The following TENM2 variants were observed in gnomAD, a reference collection of about 807,000 sequenced individuals.
The protein encoded by TENM2 is teneurin transmembrane protein 2.
A neutral mutation model predicts 245.2 loss-of-function variants in TENM2; 52 were observed. The ratio of observed to expected loss-of-function variants is 0.21; its 90% CI spans 0.17 to 0.27. The LOEUF (loss-of-function observed/expected upper bound fraction) is 0.27. TENM2 is among the 10% of genes least tolerant of loss of function. The pLI, the probability that TENM2 is intolerant of heterozygous loss-of-function variation, is 1.00. For synonymous variants in TENM2, 1,363 were observed against 1,438.9 expected (o/e 0.95, Z 1.19); for missense variants, 3,046 against 3,666.8 (o/e 0.83, Z 4.37).
At chr5:167,861,384 C>G (rs1029991537) in intron 2 of TENM2, among the ~76,000 whole-genome samples, 1 of 152,154 alleles carries the variant, frequency 6.6e-6, no homozygotes, top group Non-Finnish European at 1.5e-5. Context: ...GGTTTTCAGG[C>G]ACCATTTGGA....
intron 2 of TENM2, among the ~76,000 whole-genome samples, chr5:167,571,647 C>A (rs955563496): frequency 1.3e-5 from 2 of 152,166 alleles, no homozygotes; most frequent in Non-Finnish European, 2.9e-5. Context: ...TTAAAAAAAT[C>A]TCTCCTTTTG....
chr5:167,331,185 G>A lies in TENM2; in HGVS notation c.227-44013G>A, dbSNP rs1365830940. Among the ~76,000 whole-genome samples, 5 of 134,490 alleles carry A rather than the reference G, an allele frequency of 3.7e-5. No homozygotes were observed. The East Asian group carries it at 7.1e-4, about 19-fold the overall frequency. 88.2% of individuals were successfully genotyped at this position (134,490 alleles called of 152,430 possible). On this transcript the variant is annotated intron_variant, in intron 1 of 28. Coordinates refer to ENST00000518659, the Ensembl canonical transcript of TENM2. The stretch of plus-strand genomic sequence containing the variant: ...CGGGAGGCAGAGACTGCAGTGAGCC[G>A]AGATCATGCTACTGCACTCCAGCCA...
chr5:167,708,151 A>T (rs1051880930), intron 2 of TENM2, among the ~76,000 whole-genome samples: 3 of 152,142 alleles, frequency 2.0e-5, no homozygotes, highest in Non-Finnish European at 4.4e-5. Context: ...AGTTAAGAAG[A>T]TTATAATGTC....
At chr5:167,223,189 G>A in the TENM2 span, among the ~76,000 whole-genome samples, 3 of 151,896 alleles carry the variant, frequency 2.0e-5, no homozygotes, top group Admixed American at 6.6e-5. Context: ...GTACATTTCC[G>A]GTACCCATTT....
At chr5:167,080,423 T>G in the TENM2 span, among the ~76,000 whole-genome samples, 1 of 152,162 alleles carries the variant, frequency 6.6e-6, no homozygotes, top group African/African-American at 2.4e-5. Context: ...AAGAGAAGAA[T>G]CAACACGGAT....
At chr5:168,029,476 C>G (rs1168425659) in intron 5 of TENM2, among the ~76,000 whole-genome samples, 2 of 152,114 alleles carry the variant, frequency 1.3e-5, no homozygotes, top group African/African-American at 4.8e-5. Flanking sequence ...AGGAATTCAC[C>G]CTAGGAATGC....
intron 2 of TENM2, among the ~76,000 whole-genome samples, chr5:167,834,640 C>CT (rs555150513): frequency 0.012 from 1,512 of 129,472 alleles, 33 homozygotes; most frequent in African/African-American, 0.036. Context: ...TGTACAATTT[C>CT]TTTTTTTTTT....
the TENM2 span, among the ~76,000 whole-genome samples, chr5:167,159,078 A>G: frequency 6.6e-6 from 1 of 150,690 alleles, no homozygotes; most frequent in African/African-American, 2.4e-5. Context: ...TCAGACTCCC[A>G]AGTAGCTGGG....
chr5:167,068,530 A>G, the TENM2 span, among the ~76,000 whole-genome samples: 2 of 152,334 alleles, frequency 1.3e-5, no homozygotes, highest in South Asian at 4.1e-4. Context: ...TAAAAATGTT[A>G]TTGAGATATT....
the TENM2 span, among the ~76,000 whole-genome samples, chr5:167,073,047 A>C: frequency 6.6e-6 from 1 of 152,218 alleles, no homozygotes; most frequent in South Asian, 2.1e-4. Flanking sequence ...TTAACTAATC[A>C]ATATGTTTTA....
At chr5:167,588,846 A>G (rs984216615) in intron 2 of TENM2, among the ~76,000 whole-genome samples, 1 of 152,158 alleles carries the variant, frequency 6.6e-6, no homozygotes, top group Non-Finnish European at 1.5e-5. Flanking sequence ...ATTGGAACCC[A>G]TTTAATTCAT....
At chr5:168,262,388 G>A (rs1768279660) in exon 29 of TENM2, 1 of 1,597,810 alleles carries the variant, frequency 6.3e-7, no homozygotes, top group East Asian at 2.3e-5. Context: ...GGTCACACTA[G>A]GCACCACCAT....
chr5:167,861,194 C>A (rs1383424601), intron 2 of TENM2, among the ~76,000 whole-genome samples: 1 of 152,182 alleles, frequency 6.6e-6, no homozygotes, highest in Non-Finnish European at 1.5e-5. Context: ...TCTCTCTCTT[C>A]TCCATAGATT....
chr5:167,958,478 A>C (rs771164171), intron 4 of TENM2, among the ~76,000 whole-genome samples: 1 of 152,190 alleles, frequency 6.6e-6, no homozygotes. Flanking sequence ...GCCTCTTTAC[A>C]TTTAGGGTTA....
chr5:167,282,387 A>G (rs1771112844), upstream of TENM2, among the ~76,000 whole-genome samples: 2 of 152,308 alleles, frequency 1.3e-5, no homozygotes, highest in South Asian at 2.1e-4. Flanking sequence ...AGGGATTTAT[A>G]TCGTCATCTT....
At chr5:167,282,272 T>G (rs1457982909), upstream of TENM2, among the ~76,000 whole-genome samples, 1 of 152,194 alleles carries the variant, frequency 6.6e-6, no homozygotes, top group Non-Finnish European at 1.5e-5. Context: ...CTGTGGCTCC[T>G]CAGTGTTGGT....
At chr5:168,000,291 A>G (rs1784336316) in intron 5 of TENM2, among the ~76,000 whole-genome samples, 1 of 152,216 alleles carries the variant, frequency 6.6e-6, no homozygotes, top group Admixed American at 6.5e-5. Context: ...AATGGACTGT[A>G]AATTAGTGTT....
At chr5:168,021,968 C>T (rs1245783341) in intron 5 of TENM2, among the ~76,000 whole-genome samples, 1 of 152,146 alleles carries the variant, frequency 6.6e-6, no homozygotes, top group Non-Finnish European at 1.5e-5. Flanking sequence ...AATCCTACAT[C>T]ACAAGATACT....
chr5:167,926,645 C>T (rs1160438918), intron 3 of TENM2, among the ~76,000 whole-genome samples: 1 of 151,844 alleles, frequency 6.6e-6, no homozygotes, highest in African/African-American at 2.4e-5. Context: ...CGCTTGAACC[C>T]AGGAGGCAGA....
Sources: allele counts gnomAD v4.1 joint callset (sites outside exome capture counted in the v4.1 genomes callset), GRCh38; gene constraint gnomAD v4.1.1; transcripts MANE v1.5; gene names NCBI Gene and HGNC (gene_info 2026-07-23, HGNC 2026-07-21).